Variants in ERCC2 observed in about 807,000 individuals in gnomAD.
The protein encoded by ERCC2 is ERCC excision repair 2, TFIIH core complex helicase subunit.
In ERCC2, 90 loss-of-function variants were observed where a neutral mutation model predicts 99.4. The observed-to-expected ratio is 0.91, with a 90% CI of 0.76 to 1.08. The LOEUF is 1.08. ERCC2 is among the 50% of genes least tolerant of loss of function. The pLI is 0.00. For missense variants in ERCC2, 993 were observed against 1,038.1 expected (o/e 0.96, Z 0.60); for synonymous variants, 497 against 432.4 (o/e 1.15, Z -1.85).
rs199673247 is a variant in ERCC2 at position 45,369,165 on chromosome 19, G to C, written c.106-18C>G. 1.2e-6 allele frequency: 2 copies of C among 1,609,572 alleles called. No individual in the cohort carries two copies. Among genetic ancestry groups the C allele is most frequent in the Non-Finnish European group, 1.7e-6 (2 of 1,175,826 alleles). On this transcript the variant is annotated intron_variant, in intron 2 of 22. Coordinates refer to ENST00000391945, the MANE Select transcript of ERCC2 (RefSeq NM_000400.4). ...CCATGACCCTGCATGTTGGGGACCA[G>C]AGGGGCAACACACAGGGTCTCAGAA...
At chr19:45,370,322 A>T in intron 1 of ERCC2, 90 bp from the exon 2 acceptor site, 1 of 1,559,708 alleles carries the variant, frequency 6.4e-7, no homozygotes, top group Non-Finnish European at 8.7e-7. Context: ...GAGAAGGGTG[A>T]CGGGCCCGGC....
Position 45,350,318 on chromosome 19 carries a change from C to A in ERCC2, c.*1311G>T. 6.2e-7 allele frequency: 1 copy of A among 1,607,268 alleles called. No homozygotes were observed. Among genetic ancestry groups the A allele is most frequent in the South Asian group, 1.1e-5 (1 of 90,902 alleles). ...GTTGGGAACTGGGGTCCGAAAAGTT[C>A]CCAGACACTCCCTTCTCCGCAGGCC... On this transcript the variant is annotated 3_prime_UTR_variant, in exon 23 of 23. Transcript: ENST00000391945.
rs113157435 is a variant in ERCC2, at chr19:45,352,524, G to A, written c.2028C>T (p.Leu676=). The change falls in exon 21 of 23, where the codon CTC becomes CTT. Residue 676 remains leucine (L), a synonymous_variant. Transcript: ENST00000391945. ...GCTGCACCTTGTCGGCAAAGACCAT[G>A]AGGCCGTAGTCCGTCTTGCCCCTGA... The part of the protein sequence containing the change: ...RAIRGKTDYG[L]MVFADKRFAR... The A allele has an allele frequency of 2.5e-6, 4 of 1,614,192 alleles. No individual in the cohort carries two copies. Among genetic ancestry groups the A allele is most frequent in the African/African-American group, 1.3e-5 (1 of 75,064 alleles).
intron 21 of ERCC2, 43 bp from the exon 22 acceptor site, chr19:45,352,395 G>A: frequency 1.2e-6 from 2 of 1,613,646 alleles, no homozygotes; most frequent in African/African-American, 1.3e-5. Context: ...GTCATTCGGG[G>A]AGCCTGGGCC....
At position 45,368,702 on chromosome 19, in the gene ERCC2, C is replaced by T. The variant is rs930347866; in HGVS notation, c.288G>A (p.Lys96=). 2.5e-6 allele frequency: 4 copies of T among 1,613,948 alleles called. No homozygotes were observed. Among genetic ancestry groups the T allele is most frequent in the African/African-American group, 1.3e-5 (1 of 74,944 alleles). The change falls in exon 5 of 23, where the codon AAG becomes AAA. Residue 96 remains lysine, a synonymous_variant. Coordinates refer to ENST00000391945, the MANE Select transcript of ERCC2 (RefSeq NM_000400.4). ...ELRKLLNFYE[K]QEGEKLPFLG... The stretch of plus-strand genomic sequence containing the variant: ...GAAACGGCAGCTTCTCGCCCTCCTG[C>T]TTCTCATAGAAGTTGAGCAACTTTC...
chr19:45,368,436 T>G (rs560169431), intron 5 of ERCC2, among the ~76,000 whole-genome samples, 194 bp downstream of exon 5: 1 of 152,128 alleles, frequency 6.6e-6, no homozygotes, highest in Non-Finnish European at 1.5e-5. Context: ...TGGGTAGAAT[T>G]TGAAGACTCC....
Position 45,351,102 on chromosome 19 carries a change from G to A in ERCC2, c.*527C>T. The A allele has an allele frequency of 2.5e-6, 4 of 1,609,602 alleles. No homozygotes were observed. Among genetic ancestry groups the A allele is most frequent in the East Asian group, 2.2e-5 (1 of 44,808 alleles). ...GCAAAGGCAGGGCGGTCGGGCCAGT[G>A]GTGGAGTCAGCAGGTGGTGGGTTGG... On this transcript the variant is annotated 3_prime_UTR_variant, in exon 23 of 23. Transcript: ENST00000391945.
Position 45,357,356 on chromosome 19 carries a change from C to A in ERCC2, c.1393G>T (p.Asp465Tyr), listed in dbSNP as rs770112471. The change falls in exon 15 of 23, where the codon GAC becomes TAC. Residue 465 changes from aspartate to tyrosine, a missense_variant. By Grantham distance (160) the Asp-to-Tyr change is radical. Around this residue, in one of 3 missense-constraint regions of ERCC2, gnomAD observed 909 missense variants for 930.8 expected, o/e 0.98. Coordinates refer to ENST00000391945, the MANE Select transcript of ERCC2 (RefSeq NM_000400.4). Reference protein sequence around the residue: ...IITSGTLSPLDIYPKILDFHP... With the variant: ...IITSGTLSPLYIYPKILDFHP... ...AAGTCCAGGATCTTGGGGTAGATGT[C>A]CAGCGGGGACAGTGTCTGTGGCGGG... The A allele has an allele frequency of 6.2e-7, 1 of 1,613,996 alleles. No individual in the cohort carries two copies. Among genetic ancestry groups the A allele is most frequent in the African/African-American group, 1.3e-5 (1 of 75,052 alleles).
chr19:45,353,562 G>T (rs3916875), intron 17 of ERCC2, among the ~76,000 whole-genome samples: 2 of 152,174 alleles, frequency 1.3e-5, no homozygotes, highest in Admixed American at 6.5e-5. Context: ...TGGCCCAAGC[G>T]GGTGGCCAAT....
At position 45,351,182 on chromosome 19, in the gene ERCC2, G is replaced by C; in HGVS notation, c.*447C>G. 1.3e-6 allele frequency: 2 copies of C among 1,585,286 alleles called. No individual in the cohort carries two copies. Among genetic ancestry groups the C allele is most frequent in the Non-Finnish European group, 1.7e-6 (2 of 1,165,458 alleles). On this transcript the variant is annotated 3_prime_UTR_variant, in exon 23 of 23. Transcript: ENST00000391945. Reference sequence around the variant, plus strand: ...GATGGGTTTTACTTGGGGTAGAGGCGAGGGGGTTGGATAGTTGGCTGCCAG... The same window carrying C: ...GATGGGTTTTACTTGGGGTAGAGGCCAGGGGGTTGGATAGTTGGCTGCCAG...
chr19:45,369,014 A>G, intron 3 of ERCC2, 22 bp from the exon 4 acceptor site: 1 of 1,614,054 alleles, frequency 6.2e-7, no homozygotes, highest in Non-Finnish European at 8.5e-7. Context: ...AAGCGGACTC[A>G]GTCCCTGTCC....
rs747684939 is a variant in ERCC2, at chr19:45,368,637, T to C, written c.353A>G (p.His118Arg). ...GAAGGAACAGGTGCTCACCTCAGGGTGAATACACAAGTTTTTGCGGGAGCT... is the reference window on the plus strand; with the variant it reads ...GAAGGAACAGGTGCTCACCTCAGGGCGAATACACAAGTTTTTGCGGGAGCT... The part of the protein sequence containing the change: ...ALSSRKNLCI[H>R]PEVTPLRFGK... Residue 118 changes from histidine (H) to arginine (R), a missense_variant, in exon 5 of 23, where the codon CAC (histidine) becomes CGC (arginine). Physicochemically the swap from His to Arg is conservative, Grantham distance 29. This residue lies in a region of ERCC2 where 909 missense variants were observed against 930.8 expected (regional missense o/e 0.98). Coordinates refer to ENST00000391945, the MANE Select transcript of ERCC2 (RefSeq NM_000400.4). 2 of 1,608,314 alleles carry C rather than the reference T, an allele frequency of 1.2e-6. No individual in the cohort carries two copies. Among genetic ancestry groups the C allele is most frequent in the Non-Finnish European group, 1.7e-6 (2 of 1,174,774 alleles).
chr19:45,363,196 C>G (rs1200463589), intron 11 of ERCC2, among the ~76,000 whole-genome samples: 3 of 152,168 alleles, frequency 2.0e-5, no homozygotes, highest in African/African-American at 7.2e-5. Flanking sequence ...GAGACTGACT[C>G]CCCCAAAATG....
At chr19:45,357,425 C>G in intron 14 of ERCC2, 49 bp downstream of exon 14, 1 of 1,608,468 alleles carries the variant, frequency 6.2e-7, no homozygotes, top group African/African-American at 1.3e-5. Context: ...GACCAGGAGG[C>G]CCATGGAGGG....
In ERCC2 at chr19:45,364,076, G is replaced by A. The variant is rs1222183146; in HGVS notation, c.859C>T (p.Arg287Cys). Residue 287 changes from arginine to cysteine, a missense_variant, in exon 10 of 23, where the codon CGT becomes TGT. Coordinates refer to ENST00000391945, the MANE Select transcript of ERCC2 (RefSeq NM_000400.4). ...GCCTCCCGCAGCCCCTCCACCAGAC[G>A]CCGGTACTCGTCCCGCAGGCGCTGC... ...DEQRLRDEYR[R>C]LVEGLREASA... is the part of the protein sequence containing the mutation. 7 of 1,593,660 alleles carry A rather than the reference G, an allele frequency of 4.4e-6. No individual in the cohort carries two copies. The highest frequency in any genetic ancestry group is 1.3e-5 in the African/African-American group (1 of 74,692).
intron 19 of ERCC2, 123 bp downstream of exon 19, chr19:45,352,960 A>C (rs1269648530): frequency 1.7e-6 from 2 of 1,202,570 alleles, no homozygotes; most frequent in Non-Finnish European, 2.4e-6. Context: ...AGGGGAGGGG[A>C]GGGCCCCTCT....
At chr19:45,358,969 GA>G in intron 12 of ERCC2, 1 of 723,678 alleles carries the variant, frequency 1.4e-6, no homozygotes, top group East Asian at 2.5e-5. Context: ...TTCACACAGT[GA>G]AAAAAAATCA....
intron 5 of ERCC2, among the ~76,000 whole-genome samples, chr19:45,367,036 A>G (rs3916806): frequency 0.64 from 96,863 of 151,772 alleles, 32,535 homozygotes; most frequent in African/African-American, 0.87. Context: ...ACTCCATTTC[A>G]AAAATAATAA....
intron 11 of ERCC2, among the ~76,000 whole-genome samples, chr19:45,362,417 T>A (rs990535950): frequency 6.6e-6 from 1 of 152,050 alleles, no homozygotes; most frequent in Non-Finnish European, 1.5e-5. Flanking sequence ...AACACCCACA[T>A]CCCACAGAGT....
Sources: allele counts gnomAD v4.1 joint callset (sites outside exome capture counted in the v4.1 genomes callset), GRCh38; gene constraint gnomAD v4.1.1; regional missense constraint gnomAD v4.1.1; transcripts MANE v1.5; gene names NCBI Gene and HGNC (gene_info 2026-07-23, HGNC 2026-07-21).